The following TSC22D2 variants were observed in gnomAD, a reference collection of about 807,000 sequenced individuals.
The protein encoded by TSC22D2 is TSC22 domain family protein 2.
Under a neutral mutation model 50.1 loss-of-function variants are expected in TSC22D2, and 5 were observed. The ratio of observed to expected loss-of-function variants is 0.10; its 90% CI spans 0.05 to 0.21. The LOEUF is 0.21. Ranked by LOEUF, TSC22D2 falls within the 10% of genes least tolerant of loss-of-function variation. TSC22D2 has a pLI of 1.00. For synonymous variants in TSC22D2, 501 were observed against 450.1 expected (o/e 1.11, Z -1.43); for missense variants, 1,003 against 1,015.5 (o/e 0.99, Z 0.17).
At position 150,459,572 on chromosome 3, in the gene TSC22D2, G is replaced by GTTTTTTTTTTTTGTCTTTTTTTT. The variant is rs1721310932; in HGVS notation, c.*948_*949insGTCTTTTTTTTTTTTTTTTTTTT. On this transcript the variant is annotated 3_prime_UTR_variant, in exon 3 of 3. Coordinates refer to ENST00000688009, the MANE Select transcript of TSC22D2 (RefSeq NM_001303264.2). ...TAATGGAGTTTGGTTTTTTTTTGTT[G>GTTTTTTTTTTTTGTCTTTTTTTT]TTTTTTTTTTTTTGTCTTTTTTTTT... is the stretch of plus-strand genomic sequence containing the variant. The GTTTTTTTTTTTTGTCTTTTTTTT allele has an allele frequency of 8.7e-6, 1 of 115,560 alleles. No individual in the cohort carries two copies. Among genetic ancestry groups the GTTTTTTTTTTTTGTCTTTTTTTT allele is most frequent in the Non-Finnish European group, 1.8e-5 (1 of 55,828 alleles). 7.2% of individuals were successfully genotyped at this position (115,560 alleles called of 1,614,324 possible).
In TSC22D2 at chr3:150,459,573, T is replaced by TTTTTTTTTTTTTTG. The variant is rs1721313244; in HGVS notation, c.*949_*950insTGTTTTTTTTTTTT. ...AATGGAGTTTGGTTTTTTTTTGTTG[T>TTTTTTTTTTTTTTG]TTTTTTTTTTTTGTCTTTTTTTTTT... On this transcript the variant is annotated 3_prime_UTR_variant, in exon 3 of 3. Transcript: ENST00000688009. 2.4e-5 allele frequency: 1 copy of TTTTTTTTTTTTTTG among 41,472 alleles called. No homozygotes were observed. Among genetic ancestry groups the TTTTTTTTTTTTTTG allele is most frequent in the Non-Finnish European group, 5.6e-5 (1 of 17,952 alleles). The allele number at this position is 41,472 out of a possible 1,614,324, so 2.6% of individuals were successfully genotyped here.
At position 150,465,271 on chromosome 3, in the gene TSC22D2, A is replaced by G. The variant is rs972695188; in HGVS notation, c.*6635A>G. On this transcript the variant is annotated 3_prime_UTR_variant, in exon 3 of 3. Transcript: ENST00000688009. Reference sequence around the variant, plus strand: ...AGCTATGAAGCTATATACCCTGTCCATTTGAAAATGCACATAAGCAAAGAA... The same window carrying G: ...AGCTATGAAGCTATATACCCTGTCCGTTTGAAAATGCACATAAGCAAAGAA... 6.6e-6 allele frequency: 1 copy of G among 152,204 alleles called. No homozygotes were observed. The highest frequency in any genetic ancestry group is 2.4e-5 in the African/African-American group (1 of 41,460). The allele number at this position is 152,204 out of a possible 1,614,324, so 9.4% of individuals were successfully genotyped here. A position where few individuals can be genotyped will look rare whatever the true frequency, so the allele number is the denominator to read the frequency against.
At chr3:150,455,691 A>G (rs1288668177) in intron 1 of TSC22D2, among the ~76,000 whole-genome samples, 1 of 152,204 alleles carries the variant, frequency 6.6e-6, no homozygotes, top group Non-Finnish European at 1.5e-5. Flanking sequence ...CTGAGCCTCA[A>G]TCTGATACAA....
Position 150,411,196 on chromosome 3 carries a change from G to A in TSC22D2, c.1846G>A (p.Val616Met), listed in dbSNP as rs762702541. The A allele has an allele frequency of 1.2e-6, 2 of 1,614,204 alleles. No homozygotes were observed. Among genetic ancestry groups the A allele is most frequent in the Admixed American group, 3.3e-5 (2 of 60,024 alleles). ...TCTCATTGCTGAAAATAAGCCTGTT[G>A]TGAAGCCGCCTGTTGCAGATTCCCT... The part of the protein sequence containing the change: ...LSLIAENKPV[V>M]KPPVADSLAN... Residue 616 changes from valine (V) to methionine (M), a missense_variant, in exon 1 of 3, where the codon GTG (valine) becomes ATG (methionine). Coordinates refer to ENST00000688009, the MANE Select transcript of TSC22D2 (RefSeq NM_001303264.2).
chr3:150,428,594 T>TAAA (rs34028047), intron 1 of TSC22D2, among the ~76,000 whole-genome samples: 19 of 138,506 alleles, frequency 1.4e-4, no homozygotes, highest in Admixed American at 2.1e-4. Flanking sequence ...CTGGGTATAG[T>TAAA]AAAAAAAAAA....
chr3:150,454,801 C>A (rs1452571042), intron 1 of TSC22D2, among the ~76,000 whole-genome samples: 1 of 152,146 alleles, frequency 6.6e-6, no homozygotes, highest in Non-Finnish European at 1.5e-5. Context: ...TTAAGGGATA[C>A]ATCTTCATCA....
Position 150,459,572 on chromosome 3 carries a change from G to GTTTTTTTTTTTTTTGTTTTTTTTTTTTTT in TSC22D2, c.*949_*950insTGTTTTTTTTTTTTTTTTTTTTTTTTTTT, listed in dbSNP as rs11330414. 8.7e-6 allele frequency: 1 copy of GTTTTTTTTTTTTTTGTTTTTTTTTTTTTT among 115,556 alleles called. No homozygotes were observed. Among genetic ancestry groups the GTTTTTTTTTTTTTTGTTTTTTTTTTTTTT allele is most frequent in the Non-Finnish European group, 1.8e-5 (1 of 55,826 alleles). 7.2% of individuals were successfully genotyped at this position (115,556 alleles called of 1,614,324 possible). ...TAATGGAGTTTGGTTTTTTTTTGTT[G>GTTTTTTTTTTTTTTGTTTTTTTTTTTTTT]TTTTTTTTTTTTTGTCTTTTTTTTT... On this transcript the variant is annotated 3_prime_UTR_variant, in exon 3 of 3. Coordinates refer to ENST00000688009, the MANE Select transcript of TSC22D2 (RefSeq NM_001303264.2).
chr3:150,461,175 A>G lies in TSC22D2; in HGVS notation c.*2539A>G, dbSNP rs548951675. On this transcript the variant is annotated 3_prime_UTR_variant, in exon 3 of 3. Coordinates refer to ENST00000688009, the MANE Select transcript of TSC22D2 (RefSeq NM_001303264.2). ...AGCTTTCCAGTGTAACGACAGGAGA[A>G]GATACTCAACTCATGGTCCATTGTT... 6.6e-6 allele frequency: 1 copy of G among 152,260 alleles called. No individual in the cohort carries two copies. Among genetic ancestry groups the G allele is most frequent in the East Asian group, 1.9e-4 (1 of 5,180 alleles). 9.4% of individuals were successfully genotyped at this position (152,260 alleles called of 1,614,324 possible).
At chr3:150,423,656 CT>C (rs1387879677) in intron 1 of TSC22D2, among the ~76,000 whole-genome samples, 1 of 152,100 alleles carries the variant, frequency 6.6e-6, no homozygotes, top group African/African-American at 2.4e-5. Context: ...AAACAGTTTG[CT>C]TTCTTACAGA....
chr3:150,419,322 GT>G (rs1719929456), intron 1 of TSC22D2, among the ~76,000 whole-genome samples: 1 of 152,028 alleles, frequency 6.6e-6, no homozygotes, highest in African/African-American at 2.4e-5. Context: ...TTAGAAGTTT[GT>G]TTTATTACTT....
In TSC22D2 at chr3:150,409,695, G is replaced by T; in HGVS notation, c.345G>T (p.Gly115=). ...GGVVSARSVS[G]ALASTLAAAA... ...TCGTTTCGGCCCGGAGCGTGTCTGG[G>T]GCGCTCGCCAGTACCCTGGCGGCGG... Residue 115 remains glycine (G), a synonymous_variant, in exon 1 of 3, where the codon GGG becomes GGT. Coordinates refer to ENST00000688009, the MANE Select transcript of TSC22D2 (RefSeq NM_001303264.2). The surrounding 1 kb of genome is among the most constrained non-coding windows in gnomAD (Gnocchi z 7.4). 1 of 1,588,368 alleles carries T rather than the reference G, an allele frequency of 6.3e-7. No individual in the cohort carries two copies. Among genetic ancestry groups the T allele is most frequent in the Middle Eastern group, 1.7e-4 (1 of 6,012 alleles).
At chr3:150,416,428 G>A (rs1719805799) in intron 1 of TSC22D2, among the ~76,000 whole-genome samples, 1 of 152,112 alleles carries the variant, frequency 6.6e-6, no homozygotes, top group Non-Finnish European at 1.5e-5. Context: ...TAAGGAGTAT[G>A]TGTAGCAAAA....
intron 1 of TSC22D2, among the ~76,000 whole-genome samples, chr3:150,435,747 T>C (rs1720519031): frequency 6.6e-6 from 1 of 152,190 alleles, no homozygotes; most frequent in South Asian, 2.1e-4. Context: ...TTTCAAGTAA[T>C]TACTTGGAAA....
At chr3:150,414,806 C>T (rs1161944853) in intron 1 of TSC22D2, among the ~76,000 whole-genome samples, 3 of 151,716 alleles carry the variant, frequency 2.0e-5, no homozygotes, top group African/African-American at 7.3e-5. Context: ...TCTTCGACCT[C>T]TGTTGTATGA....
intron 1 of TSC22D2, among the ~76,000 whole-genome samples, chr3:150,451,285 A>G (rs568506013): frequency 1.3e-4 from 20 of 152,280 alleles, no homozygotes; most frequent in African/African-American, 4.6e-4. Flanking sequence ...TTTTTAAGGC[A>G]TCTTCAGCTT....
intron 1 of TSC22D2, among the ~76,000 whole-genome samples, chr3:150,448,227 G>A (rs545484781): frequency 6.6e-6 from 1 of 151,390 alleles, no homozygotes; most frequent in Admixed American, 6.6e-5. Flanking sequence ...TGTAATCCTA[G>A]CTACTCAGGA....
At chr3:150,411,459 T>C in intron 1 of TSC22D2, 151 bp downstream of exon 1, 1 of 830,066 alleles carries the variant, frequency 1.2e-6, no homozygotes, top group Admixed American at 2.9e-5. Flanking sequence ...AGATTGCTGA[T>C]GCTGATGTCA....
chr3:150,433,626 T>A (rs931657637), intron 1 of TSC22D2, among the ~76,000 whole-genome samples: 1 of 152,248 alleles, frequency 6.6e-6, no homozygotes, highest in Admixed American at 6.5e-5. Context: ...AGAAAATTTC[T>A]GCGTTTATTT....
chr3:150,432,350 G>A (rs111384896), intron 1 of TSC22D2, among the ~76,000 whole-genome samples: 4,332 of 152,114 alleles, frequency 0.028, 215 homozygotes, highest in African/African-American at 0.099. Context: ...ATTTTCAGGT[G>A]AAATTTTAGA....
Sources: allele counts gnomAD v4.1 joint callset (sites outside exome capture counted in the v4.1 genomes callset), GRCh38; gene constraint gnomAD v4.1.1; non-coding constraint Gnocchi (gnomAD v3.1); transcripts MANE v1.5; gene names NCBI Gene and HGNC (gene_info 2026-07-23, HGNC 2026-07-21).